Variants in MAP3K5 observed in about 807,000 individuals in gnomAD.
The protein encoded by MAP3K5 is ASK-1.
A neutral mutation model predicts 158.7 loss-of-function variants in MAP3K5; 56 were observed. That is an observed-to-expected ratio of 0.35 (90% CI 0.28 to 0.44). MAP3K5 has a LOEUF of 0.44. Ranked by LOEUF, MAP3K5 falls within the 20% of genes least tolerant of loss-of-function variation. MAP3K5 has a pLI of 1.00. For missense variants in MAP3K5, 1,294 were observed against 1,674.8 expected (o/e 0.77, Z 3.97); for synonymous variants, 579 against 601.7 (o/e 0.96, Z 0.55).
chr6:136,732,147 A>G (rs1424622447), intron 1 of MAP3K5, among the ~76,000 whole-genome samples: 1 of 152,168 alleles, frequency 6.6e-6, no homozygotes, highest in Non-Finnish European at 1.5e-5. Context: ...GAGAAGTACC[A>G]GGCGCAGTGG....
chr6:136,693,440 T>C (rs749000834), intron 7 of MAP3K5, among the ~76,000 whole-genome samples: 2 of 152,162 alleles, frequency 1.3e-5, no homozygotes, highest in Non-Finnish European at 2.9e-5. Context: ...TCAAATCACA[T>C]GAAAACCCCT....
chr6:136,730,461 C>T (rs11759585), intron 1 of MAP3K5, among the ~76,000 whole-genome samples: 55,055 of 151,802 alleles, frequency 0.36, 11,926 homozygotes, highest in Middle Eastern at 0.49. Context: ...GTGACTCACG[C>T]CTGTAATCCC....
chr6:136,567,731 AG>A lies in MAP3K5; in HGVS notation c.3660del (p.Ser1221GlnfsTer3). The A allele has an allele frequency of 6.2e-7, 1 of 1,614,080 alleles. No individual in the cohort carries two copies. Among genetic ancestry groups the A allele is most frequent in the Non-Finnish European group, 8.5e-7 (1 of 1,180,018 alleles). On this transcript the variant is annotated frameshift_variant, in exon 26 of 30. Transcript: ENST00000359015. LOFTEE classifies it high-confidence loss of function. Reference protein sequence around the residue: ...PQAVIEDAVATSGVSTLSSTV... With the variant: ...PQAVIEDAVAXSGVSTLSSTV... The stretch of plus-strand genomic sequence containing the variant: ...GTAGAACTGAGCGTGCTCACGCCTG[AG>A]GTAGCCACAGCATCTTCAATGACAG...
intron 1 of MAP3K5, among the ~76,000 whole-genome samples, chr6:136,730,162 T>G (rs6570092): frequency 0.12 from 17,098 of 144,962 alleles, 3,261 homozygotes; most frequent in African/African-American, 0.42. Flanking sequence ...TGTTTTTTTT[T>G]TTTTGTTTTT....
chr6:136,630,486 T>G (rs1322004320), intron 14 of MAP3K5: 1 of 152,218 alleles, frequency 6.6e-6, no homozygotes, highest in African/African-American at 2.4e-5. Flanking sequence ...GAAGATGATT[T>G]TAGGCTGAAA....
intron 7 of MAP3K5, 122 bp downstream of exon 7, chr6:136,694,018 G>C: frequency 1.4e-6 from 1 of 702,976 alleles, no homozygotes; most frequent in South Asian, 2.5e-5. Context: ...TAAAATCTAA[G>C]GTTTAGTTCA....
At chr6:136,678,912 G>T (rs1367291422) in intron 7 of MAP3K5, among the ~76,000 whole-genome samples, 1 of 152,070 alleles carries the variant, frequency 6.6e-6, no homozygotes, top group Non-Finnish European at 1.5e-5. Flanking sequence ...TTTTAGTAGA[G>T]ATGGGGTTTC....
Position 136,605,191 on chromosome 6 carries a change from A to G in MAP3K5, c.2679+18T>C. 2 of 1,606,458 alleles carry G rather than the reference A, an allele frequency of 1.2e-6. No individual in the cohort carries two copies. Among genetic ancestry groups the G allele is most frequent in the Non-Finnish European group, 1.7e-6 (2 of 1,177,826 alleles). On this transcript the variant is annotated intron_variant, in intron 19 of 29. Coordinates refer to ENST00000359015, the MANE Select transcript of MAP3K5 (RefSeq NM_005923.4). ...AAAAAGCTTTATCCATTTGTTTTTA[A>G]GAGAAATGAAGTGTGACCTTGAACA...
intron 14 of MAP3K5, among the ~76,000 whole-genome samples, chr6:136,635,599 C>T (rs113426321): frequency 2.0e-5 from 3 of 151,948 alleles, no homozygotes; most frequent in African/African-American, 7.2e-5. Flanking sequence ...TAACAACTAG[C>T]TATTATAGGC....
At chr6:136,632,770 A>T (rs1374130651) in intron 14 of MAP3K5, among the ~76,000 whole-genome samples, 12 of 152,178 alleles carry the variant, frequency 7.9e-5, no homozygotes, top group Non-Finnish European at 1.8e-4. Flanking sequence ...GGATGCCTTT[A>T]CTTTTAATGA....
rs550365619 is a variant in MAP3K5, at chr6:136,575,620, G to A, written c.3517+4681C>T. Among the ~76,000 whole-genome samples, 5 of 152,128 alleles carry A rather than the reference G, an allele frequency of 3.3e-5. No homozygotes were observed. The South Asian group carries it at 8.3e-4, about 25-fold the overall frequency. Reference sequence around the variant, plus strand: ...TAACTAGTATTTCTTTATTTCTCACGACCTTCACCCTTTTGAGGAGTATTG... The same window carrying A: ...TAACTAGTATTTCTTTATTTCTCACAACCTTCACCCTTTTGAGGAGTATTG... On this transcript the variant is annotated intron_variant, in intron 25 of 29. Transcript: ENST00000359015.
chr6:136,587,946 G>A (rs1304010714), intron 23 of MAP3K5, among the ~76,000 whole-genome samples: 2 of 152,112 alleles, frequency 1.3e-5, no homozygotes, highest in African/African-American at 4.8e-5. Flanking sequence ...GATGACCAAG[G>A]CAGTCCTATC....
At chr6:136,562,751 T>C (rs1830571933) in intron 26 of MAP3K5, 136 bp from the exon 27 acceptor site, 1 of 484,548 alleles carries the variant, frequency 2.1e-6, no homozygotes, top group African/African-American at 2.0e-5. Context: ...GCTCACTGCA[T>C]CCTTAAACTC....
chr6:136,761,789 G>A (rs1207303714), intron 1 of MAP3K5, among the ~76,000 whole-genome samples: 1 of 152,138 alleles, frequency 6.6e-6, no homozygotes, highest in African/African-American at 2.4e-5. Flanking sequence ...ACTCTAAGCA[G>A]GAAACTGCAC....
chr6:136,656,390 C>T lies in MAP3K5; in HGVS notation c.1597G>A (p.Val533Met). 2 of 1,613,424 alleles carry T rather than the reference C, an allele frequency of 1.2e-6. No homozygotes were observed. Among genetic ancestry groups the T allele is most frequent in the South Asian group, 1.1e-5 (1 of 91,042 alleles). Reference protein sequence around the residue: ...HFVKLTTEQPVAKQELVDFWM... With the variant: ...HFVKLTTEQPMAKQELVDFWM... ...AAGTCCACAAGTTCTTGCTTGGCCACAGGCTGTTCTGTGGTCAGTTTCACA... is the reference window on the plus strand; with the variant it reads ...AAGTCCACAAGTTCTTGCTTGGCCATAGGCTGTTCTGTGGTCAGTTTCACA... Residue 533 changes from valine (V) to methionine (M), a missense_variant, in exon 10 of 30, where the codon GTG (valine) becomes ATG (methionine). Coordinates refer to ENST00000359015, the MANE Select transcript of MAP3K5 (RefSeq NM_005923.4).
intron 21 of MAP3K5, among the ~76,000 whole-genome samples, chr6:136,596,640 A>T (rs1436486313): frequency 1.3e-5 from 2 of 152,246 alleles, no homozygotes; most frequent in Non-Finnish European, 2.9e-5. Context: ...CACAGGAGCC[A>T]GAACTCATCT....
chr6:136,721,683 C>T (rs1781752110), intron 1 of MAP3K5, among the ~76,000 whole-genome samples: 2 of 152,108 alleles, frequency 1.3e-5, no homozygotes, highest in Admixed American at 1.3e-4. Context: ...CGAACATGCT[C>T]CAAGTACATT....
intron 1 of MAP3K5, among the ~76,000 whole-genome samples, chr6:136,746,843 G>C (rs1782983909): frequency 6.6e-6 from 1 of 152,206 alleles, no homozygotes; most frequent in South Asian, 2.1e-4. Context: ...ACATACAGTT[G>C]AAAGAATTAC....
At chr6:136,629,456 A>C (rs535137044) in intron 14 of MAP3K5, among the ~76,000 whole-genome samples, 1 of 152,210 alleles carries the variant, frequency 6.6e-6, no homozygotes, top group East Asian at 1.9e-4. Context: ...CTTTACTCAC[A>C]TCTCACCTTT....
Sources: gnomAD v4.1 joint callset for allele counts (sites outside exome capture counted in the v4.1 genomes callset) on GRCh38, gnomAD v4.1.1 for gene constraint, MANE v1.5 for transcripts, NCBI Gene and HGNC (gene_info 2026-07-23, HGNC 2026-07-21) for gene names.